Variants in OR3A2 observed in about 807,000 individuals in gnomAD.
OR3A2 encodes olfactory receptor family 3 subfamily A member 2.
For synonymous variants in OR3A2, 126 were observed against 159.3 expected, an observed-to-expected ratio of 0.79 and a Z score of 1.57; for missense variants, 318 against 392.8, an observed-to-expected ratio of 0.81 and a Z score of 1.61.
At chr17:3,347,428 T>C (rs1567563100) in intron 2 of OR3A2, among the ~76,000 whole-genome samples, 1 of 152,146 alleles carries the variant, frequency 6.6e-6, no homozygotes. Context: ...CAGAGTGTGA[T>C]GTTCCCCTTC....
chr17:3,343,199 C>T (rs1258547230), intron 2 of OR3A2, among the ~76,000 whole-genome samples: 1 of 152,168 alleles, frequency 6.6e-6, no homozygotes, highest in Non-Finnish European at 1.5e-5. Context: ...AATCCCCTGA[C>T]CCCTTGCACT....
At chr17:3,382,443 A>T (rs1036813964) in intron 2 of OR3A2, among the ~76,000 whole-genome samples, 1 of 152,130 alleles carries the variant, frequency 6.6e-6, no homozygotes, top group African/African-American at 2.4e-5. Context: ...GGATGACAAC[A>T]CATTTGCCTT....
intron 3 of OR3A2, among the ~76,000 whole-genome samples, chr17:3,332,821 T>C (rs916077545): frequency 1.3e-5 from 2 of 152,256 alleles, no homozygotes; most frequent in East Asian, 1.9e-4. Context: ...TAATTTCTTA[T>C]GCCTGTCTTT....
chr17:3,377,836 T>C (rs2049696898), intron 2 of OR3A2, among the ~76,000 whole-genome samples: 1 of 152,252 alleles, frequency 6.6e-6, no homozygotes, highest in South Asian at 2.1e-4. Flanking sequence ...CTCTCAAATA[T>C]TCCAAAGGGG....
At chr17:3,314,359 G>A (rs1438670388) in intron 3 of OR3A2, among the ~76,000 whole-genome samples, 1 of 152,138 alleles carries the variant, frequency 6.6e-6, no homozygotes, top group Non-Finnish European at 1.5e-5. Flanking sequence ...TTTTAACTCT[G>A]CTATGCAAAT....
intron 3 of OR3A2, chr17:3,291,469 T>C (rs890568452): frequency 6.9e-6 from 4 of 579,732 alleles, no homozygotes; most frequent in African/African-American, 3.7e-5. Context: ...TTGCTTATAA[T>C]TGGACAGGGC....
intron 3 of OR3A2, among the ~76,000 whole-genome samples, chr17:3,306,154 G>C (rs934311832): frequency 3.3e-5 from 5 of 152,102 alleles, no homozygotes; most frequent in Admixed American, 6.5e-5. Context: ...GTTGTTGTTT[G>C]TTTGCCTGTT....
chr17:3,277,954 G>T (rs2048750013), exon 2 of OR3A2: 1 of 1,574,296 alleles, frequency 6.4e-7, no homozygotes, highest in Non-Finnish European at 8.7e-7. Flanking sequence ...CAGGAAAGGA[G>T]GGACCCCATT....
intron 2 of OR3A2, among the ~76,000 whole-genome samples, chr17:3,376,600 T>C (rs565873603): frequency 3.2e-4 from 48 of 152,174 alleles, no homozygotes; most frequent in Admixed American, 1.2e-3. Context: ...TCACCCAGCT[T>C]CCATGCAGCC....
At position 3,310,259 on chromosome 17, in the gene OR3A2, C is replaced by T. The variant is rs1392946454; in HGVS notation, c.-85+25774G>A. ...TATCAACACCTCATCCTGCTTCTGC[C>T]ACCACCGGCCCCATCTAACACTGCT... On this transcript the variant is annotated intron_variant, in intron 3 of 4. Coordinates refer to the OR3A2 transcript ENST00000573491. 26 of 487,614 alleles carry T rather than the reference C, an allele frequency of 5.3e-5. No individual in the cohort carries two copies. In the Admixed American group the frequency reaches 5.5e-4, roughly 10 times the overall value. The allele number at this position is 487,614 out of a possible 1,614,324, so 30.2% of individuals were successfully genotyped here.
Position 3,365,267 on chromosome 17 carries a change from A to G in OR3A2, c.-179+18537T>C, listed in dbSNP as rs111340800. On this transcript the variant is annotated intron_variant, in intron 2 of 4. Transcript: ENST00000573491. ...TGATGGGATCTTACACAAAGCATAC[A>G]ACAGAGATAAACATAAAACTCAGAA... 3.6e-3 allele frequency among the ~76,000 whole-genome samples: 544 copies of G among 152,364 alleles called. 3 individuals are homozygous for G. The highest frequency in any genetic ancestry group is 0.013 in the African/African-American group (521 of 41,586).
intron 2 of OR3A2, among the ~76,000 whole-genome samples, chr17:3,341,474 C>T (rs577273681): frequency 2.1e-3 from 322 of 152,272 alleles, no homozygotes; most frequent in African/African-American, 7.4e-3. Context: ...GACAAAATCT[C>T]TCAGCATTTG....
intron 3 of OR3A2, among the ~76,000 whole-genome samples, chr17:3,328,808 G>C (rs2049201144): frequency 7.0e-6 from 1 of 142,220 alleles, no homozygotes; most frequent in Non-Finnish European, 1.5e-5. Context: ...TGCATCTATT[G>C]AGATAATCAT....
At chr17:3,316,341 A>C (rs1022233139) in intron 3 of OR3A2, among the ~76,000 whole-genome samples, 2 of 152,178 alleles carry the variant, frequency 1.3e-5, no homozygotes, top group Admixed American at 1.3e-4. Context: ...GAGTACATCC[A>C]CGATCCATGT....
chr17:3,328,556 T>C (rs2049197494), intron 3 of OR3A2, among the ~76,000 whole-genome samples: 1 of 145,492 alleles, frequency 6.9e-6, no homozygotes, highest in African/African-American at 2.6e-5. Context: ...TATTTCCTTC[T>C]CCTGCCTAAT....
intron 1 of OR3A2, among the ~76,000 whole-genome samples, chr17:3,280,753 G>A (rs983325438): frequency 6.6e-6 from 1 of 152,222 alleles, no homozygotes; most frequent in African/African-American, 2.4e-5. Flanking sequence ...CTGGGGCAGT[G>A]AAATGCAGAG....
At chr17:3,342,708 G>A (rs770831341) in intron 2 of OR3A2, among the ~76,000 whole-genome samples, 3 of 152,196 alleles carry the variant, frequency 2.0e-5, no homozygotes, top group Non-Finnish European at 4.4e-5. Flanking sequence ...CTACTGGGAG[G>A]TGTCTCCAAG....
intron 3 of OR3A2, among the ~76,000 whole-genome samples, chr17:3,314,412 A>C (rs973752929): frequency 1.4e-4 from 21 of 152,224 alleles, no homozygotes; most frequent in African/African-American, 5.1e-4. Context: ...AATAAAAAGC[A>C]TATATTTGTT....
At chr17:3,336,740 C>T (rs2049277085) in intron 2 of OR3A2, among the ~76,000 whole-genome samples, 1 of 152,196 alleles carries the variant, frequency 6.6e-6, no homozygotes, top group African/African-American at 2.4e-5. Flanking sequence ...GTCCTCTTAA[C>T]TCTTTCCCCT....
Sources: gnomAD v4.1 joint callset for allele counts (sites outside exome capture counted in the v4.1 genomes callset) on GRCh38, gnomAD v4.1.1 for gene constraint, MANE v1.5 for transcripts, NCBI Gene and HGNC (gene_info 2026-07-23, HGNC 2026-07-21) for gene names.